Variants in AGGF1 observed in about 807,000 individuals in gnomAD.
AGGF1 encodes the protein angiogenic factor with G-patch and FHA domains 1.
A neutral mutation model predicts 86.5 loss-of-function variants in AGGF1; 56 were observed. That is an observed-to-expected ratio of 0.65 (90% CI 0.52 to 0.81). AGGF1 has a LOEUF of 0.81. Ranked by LOEUF, AGGF1 falls within the 30% of genes least tolerant of loss-of-function variation. AGGF1 has a pLI of 0.00. For missense variants in AGGF1, 816 were observed against 850.9 expected (o/e 0.96, Z 0.51); for synonymous variants, 313 against 297.1 (o/e 1.05, Z -0.55).
At chr5:77,041,183 AC>A (rs1747071963) in intron 5 of AGGF1, among the ~76,000 whole-genome samples, 1 of 152,182 alleles carries the variant, frequency 6.6e-6, no homozygotes, top group Non-Finnish European at 1.5e-5. Flanking sequence ...AGAGTATGTG[AC>A]TAAAATACTA....
chr5:77,056,470 T>C (rs1176079714), intron 11 of AGGF1, among the ~76,000 whole-genome samples: 1 of 151,706 alleles, frequency 6.6e-6, no homozygotes, highest in Non-Finnish European at 1.5e-5. Flanking sequence ...TCAGGTGATC[T>C]GCCCACCTTC....
At position 77,053,989 on chromosome 5, in the gene AGGF1, G is replaced by C; in HGVS notation, c.1492G>C (p.Val498Leu). The stretch of plus-strand genomic sequence containing the variant: ...GCCGAAAACTAAATGTGACCCTTAC[G>C]TACTTGAGCATGGAGATGAAGTCAA... ...LQPKTKCDPY[V>L]LEHGDEVKIG... is the part of the protein sequence containing the mutation. The change falls in exon 10 of 14, where the codon GTA becomes CTA. Residue 498 changes from valine to leucine, a missense_variant. Around this residue, in one of 3 missense-constraint regions of AGGF1, gnomAD observed 565 missense variants for 585.8 expected, o/e 0.96. Coordinates refer to ENST00000312916, the MANE Select transcript of AGGF1 (RefSeq NM_018046.5). 6.2e-7 allele frequency: 1 copy of C among 1,614,070 alleles called. No homozygotes were observed. Among genetic ancestry groups the C allele is most frequent in the Non-Finnish European group, 8.5e-7 (1 of 1,180,012 alleles).
chr5:77,058,672 C>T (rs529367687), intron 11 of AGGF1, among the ~76,000 whole-genome samples: 80 of 152,256 alleles, frequency 5.3e-4, no homozygotes, highest in Admixed American at 8.5e-4. Flanking sequence ...AAGCTTCTGT[C>T]GTACCTTCCT....
chr5:77,054,811 A>G (rs1747432501), intron 10 of AGGF1, among the ~76,000 whole-genome samples: 3 of 152,208 alleles, frequency 2.0e-5, no homozygotes, highest in South Asian at 2.1e-4. Flanking sequence ...AGTCATCCAC[A>G]GTTGAACTCT....
At chr5:77,045,165 A>G (rs1747220907) in intron 5 of AGGF1, among the ~76,000 whole-genome samples, 1 of 152,234 alleles carries the variant, frequency 6.6e-6, no homozygotes, top group African/African-American at 2.4e-5. Flanking sequence ...TGAGGTAGAA[A>G]GAAAAGTGAG....
chr5:77,043,246 A>G (rs1747159803), intron 5 of AGGF1, among the ~76,000 whole-genome samples: 1 of 30,216 alleles, frequency 3.3e-5, no homozygotes, highest in African/African-American at 1.1e-4. Context: ...CTCACTTCCC[A>G]GTAGGGGCGG....
At chr5:77,038,088 A>G (rs779645371) in intron 4 of AGGF1, among the ~76,000 whole-genome samples, 3 of 152,216 alleles carry the variant, frequency 2.0e-5, no homozygotes, top group Non-Finnish European at 4.4e-5. Context: ...ATTGTTATCT[A>G]GAGAACATAA....
chr5:77,047,920 A>G (rs142047235), intron 6 of AGGF1, among the ~76,000 whole-genome samples: 1,529 of 151,310 alleles, frequency 0.01, 33 homozygotes, highest in African/African-American at 0.035. Flanking sequence ...GAAAGAGTTG[A>G]TTATTTGATA....
At chr5:77,055,851 G>C (rs1420589594) in intron 11 of AGGF1, among the ~76,000 whole-genome samples, 1 of 152,152 alleles carries the variant, frequency 6.6e-6, no homozygotes, top group Non-Finnish European at 1.5e-5. Context: ...GACATAACTA[G>C]ACATGATAGT....
At chr5:77,031,042 C>T (rs2150725193) in intron 1 of AGGF1, 66 bp downstream of exon 1, 6 of 1,549,654 alleles carry the variant, frequency 3.9e-6, no homozygotes, top group Non-Finnish European at 5.3e-6. Flanking sequence ...CCCGTGATAG[C>T]CTCGGAAGGG....
At position 77,046,524 on chromosome 5, in the gene AGGF1, A is replaced by T. The variant is rs145817230; in HGVS notation, c.1048A>T (p.Ile350Phe). ...TATAGAGTCTCCTCTTCATGAAAAC[A>T]TCTCTAATTCAACATCATTTAAAGA... ...NTIESPLHEN[I>F]SNSTSFKDEK... The change falls in exon 6 of 14, where the codon ATC (isoleucine) becomes TTC (phenylalanine). Residue 350 changes from isoleucine to phenylalanine, a missense_variant. Coordinates refer to ENST00000312916, the MANE Select transcript of AGGF1 (RefSeq NM_018046.5). 4.3e-5 allele frequency: 69 copies of T among 1,614,088 alleles called. No individual in the cohort carries two copies. In the African/African-American group the frequency reaches 8.4e-4, roughly 20 times the overall value.
chr5:77,032,379 A>G (rs1258242613), intron 1 of AGGF1, among the ~76,000 whole-genome samples: 1 of 151,760 alleles, frequency 6.6e-6, no homozygotes, highest in East Asian at 1.9e-4. Flanking sequence ...CATCCTGGCT[A>G]ACACAGTAAA....
At chr5:77,032,811 A>C (rs1312839443) in intron 1 of AGGF1, among the ~76,000 whole-genome samples, 1 of 152,204 alleles carries the variant, frequency 6.6e-6, no homozygotes, top group Non-Finnish European at 1.5e-5. Flanking sequence ...TACAGAAAAG[A>C]ATGTTTTTAT....
chr5:77,062,834 G>T (rs761393354), intron 13 of AGGF1, among the ~76,000 whole-genome samples: 7 of 152,150 alleles, frequency 4.6e-5, no homozygotes, highest in Admixed American at 1.3e-4. Flanking sequence ...TGTAAAGTAG[G>T]CTGTACTTAT....
Position 77,036,608 on chromosome 5 carries a change from T to C in AGGF1, c.569T>C (p.Leu190Ser), listed in dbSNP as rs1312665250. Residue 190 changes from leucine to serine, a missense_variant, in exon 4 of 14, where the codon TTA becomes TCA. Leu to Ser is a moderately radical substitution (Grantham distance 145, BLOSUM62 -2). Around this residue, in one of 3 missense-constraint regions of AGGF1, gnomAD observed 240 missense variants for 234.4 expected, o/e 1.02. Coordinates refer to ENST00000312916, the MANE Select transcript of AGGF1 (RefSeq NM_018046.5). ...GATACCTCCTTAGAAGGCTCATCAT[T>C]AGCTGAAAGTTTGAGAGCTGCAGCA... ...TEDTSLEGSS[L>S]AESLRAAAEA... 6 of 1,614,010 alleles carry C rather than the reference T, an allele frequency of 3.7e-6. No individual in the cohort carries two copies. Among genetic ancestry groups the C allele is most frequent in the African/African-American group, 1.3e-5 (1 of 74,934 alleles).
chr5:77,041,481 C>T (rs915169910), intron 5 of AGGF1, among the ~76,000 whole-genome samples: 5 of 150,434 alleles, frequency 3.3e-5, no homozygotes, highest in African/African-American at 9.8e-5. Context: ...GCAGGAGAAT[C>T]GCTTGAACCT....
At position 77,046,583 on chromosome 5, in the gene AGGF1, G is replaced by A; in HGVS notation, c.1107G>A (p.Glu369=). 1.2e-6 allele frequency: 2 copies of A among 1,613,818 alleles called. No individual in the cohort carries two copies. The highest frequency in any genetic ancestry group is 1.7e-6 in the Non-Finnish European group (2 of 1,179,850). The change falls in exon 6 of 14, where the codon GAG becomes GAA. Residue 369 remains glutamate (E), a synonymous_variant. Transcript: ENST00000312916. ...EKIMETDSEP[E]EGEITDSQTE... is the part of the protein sequence containing the mutation. ...TCATGGAGACTGATAGTGAACCAGA[G>A]GAAGGTGAAATTACAGACTCTCAGA...
chr5:77,041,804 T>TAA (rs1561285670), intron 5 of AGGF1, among the ~76,000 whole-genome samples: 7 of 115,270 alleles, frequency 6.1e-5, no homozygotes, highest in African/African-American at 2.0e-4. Flanking sequence ...TTTATTTATT[T>TAA]ATTTATTTAT....
At chr5:77,045,161 A>T (rs1419574007) in intron 5 of AGGF1, among the ~76,000 whole-genome samples, 1 of 152,204 alleles carries the variant, frequency 6.6e-6, no homozygotes, top group African/African-American at 2.4e-5. Flanking sequence ...GCTCTGAGGT[A>T]GAAAGAAAAG....
Sources: allele counts gnomAD v4.1 joint callset (sites outside exome capture counted in the v4.1 genomes callset), GRCh38; gene constraint gnomAD v4.1.1; regional missense constraint gnomAD v4.1.1; transcripts MANE v1.5; gene names NCBI Gene and HGNC (gene_info 2026-07-23, HGNC 2026-07-21).